RIOK1: variants seen among roughly 807,000 people sequenced by gnomAD.
RIOK1 encodes the protein serine/threonine-protein kinase RIO1.
Under a neutral mutation model 73.5 loss-of-function variants are expected in RIOK1, and 66 were observed. The observed-to-expected ratio is 0.90, with a 90% CI of 0.74 to 1.10. The LOEUF (loss-of-function observed/expected upper bound fraction) is 1.10. Ranked by LOEUF, RIOK1 falls within the 50% of genes least tolerant of loss-of-function variation. RIOK1 has a pLI of 0.00. For missense variants in RIOK1, 658 were observed against 699.8 expected (o/e 0.94, Z 0.67); for synonymous variants, 224 against 226.8 (o/e 0.99, Z 0.11).
Position 7,413,707 on chromosome 6 carries a change from G to GT in RIOK1, c.1444-524dup, listed in dbSNP as rs376505588. On this transcript the variant is annotated intron_variant, in intron 15 of 16. Transcript: ENST00000379834. ...TTGTACAATTGACTTCTAAAGATCT[G>GT]TTTTTTTCTTATAAAAGGGAAACCT... is the stretch of plus-strand genomic sequence containing the variant. Among the ~76,000 whole-genome samples the GT allele has an allele frequency of 4.9e-4, 75 of 152,212 alleles. 1 individual carries two copies. Among genetic ancestry groups the GT allele is most frequent in the African/African-American group, 1.7e-3 (71 of 41,540 alleles).
intron 9 of RIOK1, 57 bp from the exon 10 acceptor site, chr6:7,404,361 A>C: frequency 4.4e-6 from 7 of 1,592,280 alleles, no homozygotes; most frequent in Non-Finnish European, 6.0e-6. Context: ...GTAACAGTAT[A>C]GTAAGAAGCA....
At chr6:7,409,795 C>G (rs1224948528) in intron 12 of RIOK1, among the ~76,000 whole-genome samples, 1 of 103,144 alleles carries the variant, frequency 9.7e-6, no homozygotes. Flanking sequence ...TGTCTAAACT[C>G]AAAAAAAAAA....
chr6:7,411,107 TTAAAA>T (rs1212314863), intron 13 of RIOK1, among the ~76,000 whole-genome samples: 5 of 152,208 alleles, frequency 3.3e-5, no homozygotes, highest in Non-Finnish European at 7.4e-5. Context: ...TTTCCCTTCC[TTAAAA>T]TAAATCATAT....
intron 6 of RIOK1, among the ~76,000 whole-genome samples, chr6:7,402,393 T>A (rs1383063364): frequency 6.6e-6 from 1 of 152,256 alleles, no homozygotes. Flanking sequence ...TAAAACGTTA[T>A]GTGGCACGTG....
At chr6:7,407,181 T>G (rs1761766733) in intron 12 of RIOK1, among the ~76,000 whole-genome samples, 1 of 152,232 alleles carries the variant, frequency 6.6e-6, no homozygotes, top group South Asian at 2.1e-4. Context: ...CAAATGATAT[T>G]TCTATTTTCA....
At chr6:7,413,259 T>C (rs1210884275) in intron 15 of RIOK1, among the ~76,000 whole-genome samples, 4 of 152,202 alleles carry the variant, frequency 2.6e-5, no homozygotes, top group African/African-American at 9.6e-5. Flanking sequence ...TGATAGCCAT[T>C]GTGCTTCTTG....
intron 4 of RIOK1, among the ~76,000 whole-genome samples, chr6:7,398,478 A>G (rs766835594): frequency 1.6e-4 from 25 of 152,208 alleles, no homozygotes; most frequent in Non-Finnish European, 3.2e-4. Flanking sequence ...TTTTTACTGT[A>G]TACATACTCC....
chr6:7,414,543 C>G (rs1014066933), intron 16 of RIOK1, among the ~76,000 whole-genome samples, 153 bp downstream of exon 16: 2 of 152,130 alleles, frequency 1.3e-5, no homozygotes, highest in Non-Finnish European at 2.9e-5. Context: ...GTGAACTTGA[C>G]TTTTGGTGGT....
intron 12 of RIOK1, among the ~76,000 whole-genome samples, chr6:7,407,989 G>C (rs1438291085): frequency 6.6e-6 from 1 of 152,176 alleles, no homozygotes; most frequent in African/African-American, 2.4e-5. Context: ...TTTTGTCTCT[G>C]AATCATAGAG....
rs1372701965 is a variant in RIOK1 at position 7,390,053 on chromosome 6, C to G, written c.51C>G (p.Asp17Glu). Residue 17 changes from aspartate to glutamate, a missense_variant, in exon 1 of 17, where the codon GAC (aspartate) becomes GAG (glutamate). Asp to Glu is a conservative substitution (Grantham distance 45). Transcript: ENST00000379834. ...LMSRVVPGQF[D>E]DADSSDSENR... ...GCCGGGTGGTCCCCGGGCAATTCGA[C>G]GACGCGGACTCCTCTGACAGGTAGG... The G allele has an allele frequency of 1.9e-6, 3 of 1,560,046 alleles. No individual in the cohort carries two copies. The highest frequency in any genetic ancestry group is 2.4e-5 in the East Asian group (1 of 41,308).
intron 12 of RIOK1, among the ~76,000 whole-genome samples, chr6:7,409,323 C>T (rs139653028): frequency 7.9e-5 from 12 of 151,680 alleles, no homozygotes; most frequent in Non-Finnish European, 1.5e-4. Context: ...GGCACGATCT[C>T]GGCTCACCAC....
intron 12 of RIOK1, among the ~76,000 whole-genome samples, chr6:7,409,957 A>G (rs1171182454): frequency 1.3e-5 from 2 of 152,190 alleles, no homozygotes; most frequent in Non-Finnish European, 2.9e-5. Flanking sequence ...TGCAGCAGCA[A>G]TAAAGCCGTA....
chr6:7,398,467 C>G (rs140244204), intron 4 of RIOK1, among the ~76,000 whole-genome samples: 5 of 152,134 alleles, frequency 3.3e-5, no homozygotes, highest in African/African-American at 1.2e-4. Context: ...ATAGATTTTT[C>G]TTTTTACTGT....
At chr6:7,390,750 A>G (rs1761311739) in intron 1 of RIOK1, among the ~76,000 whole-genome samples, 1 of 152,220 alleles carries the variant, frequency 6.6e-6, no homozygotes, top group Non-Finnish European at 1.5e-5. Flanking sequence ...GGGGGGCCAG[A>G]TCATGGAGAC....
At position 7,402,487 on chromosome 6, in the gene RIOK1, G is replaced by T. The variant is rs941896112; in HGVS notation, c.574-116G>T. The T allele has an allele frequency of 1.1e-5, 7 of 653,044 alleles. 1 individual carries two copies. The Middle Eastern group carries it at 1.3e-3, about 121-fold the overall frequency. The allele number at this position is 653,044 out of a possible 1,614,324, so 40.5% of individuals were successfully genotyped here. A position where few individuals can be genotyped will look rare whatever the true frequency, so the allele number is the denominator to read the frequency against. On this transcript the variant is annotated intron_variant, in intron 6 of 16. Coordinates refer to ENST00000379834, the MANE Select transcript of RIOK1 (RefSeq NM_031480.3). ...TAATTCACATATTCAAAAGACAGTG[G>T]TATTCCTTATGCATGTTATTTCAGT...
At chr6:7,396,680 A>C (rs1236079371) in intron 3 of RIOK1, 23 bp from the exon 4 acceptor site, 1 of 1,488,278 alleles carries the variant, frequency 6.7e-7, no homozygotes. Context: ...TATTGTTTAC[A>C]TTGTGGGTTT....
intron 4 of RIOK1, among the ~76,000 whole-genome samples, chr6:7,398,431 G>A (rs1049489529): frequency 6.6e-5 from 10 of 152,038 alleles, no homozygotes; most frequent in South Asian, 2.1e-4. Context: ...TTACCCTGGC[G>A]GCTCTTTGAT....
chr6:7,405,264 A>G lies in RIOK1; in HGVS notation c.1112A>G (p.His371Arg). 6.2e-7 allele frequency: 1 copy of G among 1,610,510 alleles called. No homozygotes were observed. The highest frequency in any genetic ancestry group is 8.5e-7 in the Non-Finnish European group (1 of 1,177,262). Residue 371 changes from histidine to arginine, a missense_variant, in exon 12 of 17, where the codon CAC becomes CGC. By Grantham distance (29) the His-to-Arg change is conservative. Coordinates refer to ENST00000379834, the MANE Select transcript of RIOK1 (RefSeq NM_031480.3). ...CTTCTGACAGATTTCTTTATGAGGC[A>G]CAGTGTTGCTGTCATGACTGTGCGG... is the stretch of plus-strand genomic sequence containing the variant. ...CANVNDFFMR[H>R]SVAVMTVREL...
intron 8 of RIOK1, among the ~76,000 whole-genome samples, chr6:7,403,521 T>C (rs1023268441): frequency 1.3e-5 from 2 of 152,220 alleles, no homozygotes; most frequent in African/African-American, 4.8e-5. Flanking sequence ...GATAGTGTAG[T>C]ATTGAGCAAG....
Sources: gnomAD v4.1 joint callset for allele counts (sites outside exome capture counted in the v4.1 genomes callset) on GRCh38, gnomAD v4.1.1 for gene constraint, MANE v1.5 for transcripts, NCBI Gene and HGNC (gene_info 2026-07-23, HGNC 2026-07-21) for gene names.